The following JARID2 variants were observed in gnomAD, a reference collection of about 807,000 sequenced individuals.
JARID2 encodes the protein protein Jumonji.
In JARID2, 21 loss-of-function variants were observed where a neutral mutation model predicts 125.6. The ratio of observed to expected loss-of-function variants is 0.17; its 90% confidence interval spans 0.12 to 0.24. The LOEUF (loss-of-function observed/expected upper bound fraction) is 0.24. JARID2 is among the 10% of genes least tolerant of loss of function. The pLI, the probability that JARID2 is intolerant of heterozygous loss-of-function variation, is 1.00. For synonymous variants in JARID2, 736 were observed against 661.6 expected (o/e 1.11, Z -1.73); for missense variants, 1,303 against 1,639.6 (o/e 0.79, Z 3.55).
chr6:15,372,713 TTTA>T (rs1176602484), intron 1 of JARID2, among the ~76,000 whole-genome samples: 3 of 151,662 alleles, frequency 2.0e-5, no homozygotes, highest in African/African-American at 7.3e-5. Context: ...TATTTATTTA[TTTA>T]TTTTTTTTTT....
intron 3 of JARID2, among the ~76,000 whole-genome samples, chr6:15,421,662 G>A (rs918659472): frequency 1.3e-5 from 2 of 152,098 alleles, no homozygotes; most frequent in Admixed American, 1.3e-4. Flanking sequence ...TGTTTTTAAG[G>A]TTTTACCACC....
At chr6:15,500,223 C>T (rs564282527) in intron 7 of JARID2, among the ~76,000 whole-genome samples, 1 of 152,288 alleles carries the variant, frequency 6.6e-6, no homozygotes, top group African/African-American at 2.4e-5. Context: ...GCACTGAGCA[C>T]CAGCTTATGC....
At chr6:15,364,248 A>G (rs1174794094) in intron 1 of JARID2, among the ~76,000 whole-genome samples, 2 of 152,134 alleles carry the variant, frequency 1.3e-5, no homozygotes, top group Non-Finnish European at 2.9e-5. Flanking sequence ...TCCATCACCC[A>G]CAGGGCCGTA....
intron 1 of JARID2, among the ~76,000 whole-genome samples, chr6:15,269,889 A>C (rs1760231344): frequency 1.3e-5 from 2 of 152,168 alleles, no homozygotes; most frequent in Non-Finnish European, 2.9e-5. Flanking sequence ...ACATGGTCTC[A>C]AGTTGAGTTT....
intron 4 of JARID2, among the ~76,000 whole-genome samples, chr6:15,466,607 T>C (rs139938887): frequency 9.8e-5 from 15 of 152,362 alleles, no homozygotes; most frequent in Admixed American, 5.9e-4. Context: ...TAAATACTTA[T>C]AAAGGTAGAT....
chr6:15,519,178 A>T (rs1341828614), intron 17 of JARID2, among the ~76,000 whole-genome samples: 4 of 152,182 alleles, frequency 2.6e-5, no homozygotes, highest in African/African-American at 7.2e-5. Flanking sequence ...GCTCCTCCTC[A>T]CTTGTCCTTA....
chr6:15,395,483 T>C (rs1765187046), intron 2 of JARID2, among the ~76,000 whole-genome samples: 1 of 152,156 alleles, frequency 6.6e-6, no homozygotes, highest in African/African-American at 2.4e-5. Context: ...GCCAGGATGG[T>C]CTCGATCTCC....
chr6:15,517,953 G>A (rs1771644983), intron 17 of JARID2, among the ~76,000 whole-genome samples: 1 of 152,210 alleles, frequency 6.6e-6, no homozygotes, highest in Admixed American at 6.5e-5. Context: ...TGGGTGCTGC[G>A]GGTATGACTG....
chr6:15,450,426 T>C (rs1053040876), intron 3 of JARID2, among the ~76,000 whole-genome samples: 1 of 152,184 alleles, frequency 6.6e-6, no homozygotes, highest in Non-Finnish European at 1.5e-5. Context: ...CACATCGGCC[T>C]CCCAAAGTGC....
intron 1 of JARID2, among the ~76,000 whole-genome samples, chr6:15,343,217 G>A (rs1365267749): frequency 2.8e-5 from 2 of 71,056 alleles, no homozygotes; most frequent in Admixed American, 4.8e-4. Context: ...CGACAAGAAC[G>A]AAACTCCGTC....
At chr6:15,254,543 TAGAG>T (rs1391588272) in intron 1 of JARID2, among the ~76,000 whole-genome samples, 3 of 152,104 alleles carry the variant, frequency 2.0e-5, no homozygotes, top group African/African-American at 4.8e-5. Flanking sequence ...ATGCGGGTGT[TAGAG>T]AAAGAGGAAC....
intron 1 of JARID2, among the ~76,000 whole-genome samples, chr6:15,255,138 C>CTTTT (rs753848936): frequency 2.3e-4 from 28 of 121,174 alleles, no homozygotes; most frequent in Admixed American, 2.7e-4. Context: ...ACTAGGAATT[C>CTTTT]TTTTTTTTTT....
chr6:15,385,919 G>A (rs1203448066), intron 2 of JARID2, among the ~76,000 whole-genome samples: 8 of 152,136 alleles, frequency 5.3e-5, no homozygotes. Context: ...TGTGTGATAT[G>A]TCTCACTATC....
intron 1 of JARID2, among the ~76,000 whole-genome samples, chr6:15,282,529 GTTCTCTCTCT>G (rs1227438063): frequency 1.3e-5 from 2 of 149,864 alleles, no homozygotes; most frequent in African/African-American, 4.9e-5. Flanking sequence ...TCTCTCTTTT[GTTCTCTCTCT>G]TTCTCTCTCT....
At chr6:15,413,210 G>A (rs1188213025) in intron 3 of JARID2, among the ~76,000 whole-genome samples, 3 of 151,612 alleles carry the variant, frequency 2.0e-5, no homozygotes, top group African/African-American at 4.8e-5. Context: ...GTGGAGACAG[G>A]GTTTCTCCAT....
chr6:15,276,234 G>A lies in JARID2; in HGVS notation c.45+29650G>A, dbSNP rs116813068. On this transcript the variant is annotated intron_variant, in intron 1 of 17. Coordinates refer to ENST00000341776, the MANE Select transcript of JARID2 (RefSeq NM_004973.4). ...TTGTGTTAGTGCCTCTCCTCCCCTC[G>A]AGTGTCCAGTCCATTTTCAGCTGAC... Among the ~76,000 whole-genome samples the A allele has an allele frequency of 6.1e-3, 927 of 152,210 alleles. 3 individuals carry two copies. The highest frequency in any genetic ancestry group is 0.01 in the Non-Finnish European group (700 of 68,022).
At chr6:15,409,460 A>G (rs1765787442) in intron 2 of JARID2, among the ~76,000 whole-genome samples, 1 of 152,224 alleles carries the variant, frequency 6.6e-6, no homozygotes, top group Non-Finnish European at 1.5e-5. Flanking sequence ...CATTGATGTA[A>G]GGGACTCTGA....
intron 5 of JARID2, among the ~76,000 whole-genome samples, chr6:15,471,599 G>A (rs1561886408): frequency 6.6e-6 from 1 of 152,188 alleles, no homozygotes. Context: ...GTATACTAGT[G>A]CAGTTGTACT....
intron 4 of JARID2, among the ~76,000 whole-genome samples, chr6:15,454,643 ATT>A (rs34961974): frequency 7.8e-5 from 11 of 141,726 alleles, no homozygotes; most frequent in African/African-American, 1.0e-4. Flanking sequence ...ACACCCAGCA[ATT>A]TTTTTTTTTT....
Sources: gnomAD v4.1 joint callset for allele counts (sites outside exome capture counted in the v4.1 genomes callset) on GRCh38, gnomAD v4.1.1 for gene constraint, MANE v1.5 for transcripts, NCBI Gene and HGNC (gene_info 2026-07-23, HGNC 2026-07-21) for gene names.